ANO6: variants seen among roughly 807,000 people sequenced by gnomAD.
ANO6 encodes anoctamin 6, also known as anoctamin-6.
A neutral mutation model predicts 117.5 loss-of-function variants in ANO6; 106 were observed. The observed-to-expected ratio is 0.90, with a 90% CI of 0.77 to 1.06. The LOEUF is 1.06. ANO6 is among the 50% of genes least tolerant of loss of function. ANO6 has a pLI of 0.00. For synonymous variants in ANO6, 367 were observed against 385.1 expected (o/e 0.95, Z 0.55); for missense variants, 955 against 1,121.1 (o/e 0.85, Z 2.12).
At chr12:45,317,113 G>GTGTGTGTGTGTGTGTATATA in intron 2 of ANO6, among the ~76,000 whole-genome samples, 10 of 66,484 alleles carry the variant, frequency 1.5e-4, no homozygotes, top group African/African-American at 4.1e-4. Flanking sequence ...CTTTTTATAT[G>GTGTGTGTGTGTGTGTATATA]TATATATATA....
chr12:45,378,836 TG>T (rs1424297967), intron 10 of ANO6, among the ~76,000 whole-genome samples: 1 of 152,136 alleles, frequency 6.6e-6, no homozygotes. Context: ...TACACTTCTA[TG>T]TGAGCGGATA....
intron 18 of ANO6, among the ~76,000 whole-genome samples, chr12:45,422,709 G>T (rs962184645): frequency 1.3e-5 from 2 of 151,910 alleles, no homozygotes; most frequent in Non-Finnish European, 2.9e-5. Flanking sequence ...AAATAGCTGC[G>T]ATTACAAGCA....
chr12:45,430,555 A>G lies in ANO6; in HGVS notation c.*1244A>G. The G allele has an allele frequency of 2.0e-6, 2 of 985,456 alleles. No homozygotes were observed. Among genetic ancestry groups the G allele is most frequent in the East Asian group, 1.1e-4 (1 of 8,820 alleles). The allele number at this position is 985,456 out of a possible 1,614,324, so 61.0% of individuals were successfully genotyped here. On this transcript the variant is annotated 3_prime_UTR_variant, in exon 20 of 20. Coordinates refer to ENST00000320560, the MANE Select transcript of ANO6 (RefSeq NM_001025356.3). Reference sequence around the variant, plus strand: ...GTCTGATTGTACTAGAGACAGGAGTATACCCAGCTTATTCATAATCAAGTA... The same window carrying G: ...GTCTGATTGTACTAGAGACAGGAGTGTACCCAGCTTATTCATAATCAAGTA...
At chr12:45,307,751 G>A (rs955536981) in intron 2 of ANO6, among the ~76,000 whole-genome samples, 2 of 152,084 alleles carry the variant, frequency 1.3e-5, no homozygotes, top group African/African-American at 4.8e-5. Context: ...TCACGGAGAT[G>A]AGGAAAAATC....
chr12:45,311,891 C>G (rs1192958628), intron 2 of ANO6, among the ~76,000 whole-genome samples: 1 of 151,986 alleles, frequency 6.6e-6, no homozygotes, highest in East Asian at 1.9e-4. Context: ...GAGTTTTATG[C>G]AGTTCATTGA....
intron 17 of ANO6, among the ~76,000 whole-genome samples, chr12:45,419,107 A>C (rs1340714827): frequency 6.6e-6 from 1 of 152,228 alleles, no homozygotes; most frequent in African/African-American, 2.4e-5. Context: ...TGGTTCAATA[A>C]ATAAGCTGAA....
intron 2 of ANO6, among the ~76,000 whole-genome samples, chr12:45,326,848 G>A (rs1441232375): frequency 6.6e-6 from 1 of 152,144 alleles, no homozygotes; most frequent in Non-Finnish European, 1.5e-5. Flanking sequence ...TTCTGGGTTT[G>A]GATTGCTTGG....
chr12:45,340,031 G>A (rs1940936674), intron 3 of ANO6, among the ~76,000 whole-genome samples: 1 of 152,122 alleles, frequency 6.6e-6, no homozygotes, highest in Non-Finnish European at 1.5e-5. Flanking sequence ...GAAAATGGTA[G>A]ATATTTGTGT....
intron 1 of ANO6, among the ~76,000 whole-genome samples, chr12:45,293,903 C>A (rs1565669856): frequency 6.6e-6 from 1 of 151,890 alleles, no homozygotes; most frequent in African/African-American, 2.4e-5. Context: ...ATTTTAATAG[C>A]CAATAATGCA....
intron 8 of ANO6, among the ~76,000 whole-genome samples, chr12:45,358,685 TATTTA>T (rs1277862540): frequency 1.3e-5 from 2 of 152,204 alleles, no homozygotes; most frequent in African/African-American, 4.8e-5. Flanking sequence ...TGGCTTTAAT[TATTTA>T]ATTATGAGAT....
chr12:45,232,956 G>A (rs919213506), intron 1 of ANO6, among the ~76,000 whole-genome samples: 3 of 152,206 alleles, frequency 2.0e-5, no homozygotes, highest in African/African-American at 7.2e-5. Flanking sequence ...AGAAAGAGAG[G>A]GAGCAGGTAC....
intron 3 of ANO6, among the ~76,000 whole-genome samples, chr12:45,334,210 C>G (rs1565698561): frequency 6.6e-6 from 1 of 152,072 alleles, no homozygotes; most frequent in Non-Finnish European, 1.5e-5. Context: ...GCAACAAACG[C>G]TCGTTTAGTC....
At chr12:45,244,660 C>T (rs1947798047) in intron 1 of ANO6, among the ~76,000 whole-genome samples, 1 of 152,074 alleles carries the variant, frequency 6.6e-6, no homozygotes, top group Admixed American at 6.5e-5. Context: ...CGTAGAAATC[C>T]TAGCTGACAC....
In ANO6 at chr12:45,430,915, T is replaced by C; in HGVS notation, c.*1604T>C. Reference sequence around the variant, plus strand: ...TCATGCTGCATGGGCTTCACTGGGATGCTGTTAAACACCAGAGGAGCCAAC... The same window carrying C: ...TCATGCTGCATGGGCTTCACTGGGACGCTGTTAAACACCAGAGGAGCCAAC... On this transcript the variant is annotated 3_prime_UTR_variant, in exon 20 of 20. Coordinates refer to ENST00000320560, the MANE Select transcript of ANO6 (RefSeq NM_001025356.3). The C allele has an allele frequency of 1.0e-6, 1 of 985,420 alleles. No homozygotes were observed. The highest frequency in any genetic ancestry group is 1.7e-5 in the African/African-American group (1 of 57,344). 61.0% of individuals were successfully genotyped at this position (985,420 alleles called of 1,614,324 possible).
chr12:45,352,572 A>AAAAAAAAAAAC, intron 7 of ANO6, among the ~76,000 whole-genome samples: 1 of 150,784 alleles, frequency 6.6e-6, no homozygotes. Flanking sequence ...AAAAAAAAAA[A>AAAAAAAAAAAC]AAAAAAAAAA....
intron 1 of ANO6, among the ~76,000 whole-genome samples, chr12:45,231,765 A>G (rs1947578089): frequency 1.3e-5 from 2 of 152,206 alleles, no homozygotes; most frequent in African/African-American, 2.4e-5. Flanking sequence ...ATCACAGCCT[A>G]CAAATCATAG....
intron 12 of ANO6, among the ~76,000 whole-genome samples, chr12:45,398,806 T>C (rs929413717): frequency 1.1e-4 from 16 of 152,238 alleles, no homozygotes; most frequent in African/African-American, 3.9e-4. Context: ...ATACAATGCA[T>C]ACATAATCCT....
intron 10 of ANO6, among the ~76,000 whole-genome samples, chr12:45,381,517 C>T (rs768664709): frequency 1.3e-5 from 2 of 152,198 alleles, no homozygotes; most frequent in African/African-American, 2.4e-5. Flanking sequence ...TGTGAGTCAG[C>T]ACTGGCGTGG....
Position 45,399,450 on chromosome 12 carries a change from C to T in ANO6, c.1387-2345C>T, listed in dbSNP as rs959526454. Reference sequence around the variant, plus strand: ...ACCTCATGATCTGCCCGCCGCAGCCCCTCAAAGTGCTGGGATTACAGGCGT... The same window carrying T: ...ACCTCATGATCTGCCCGCCGCAGCCTCTCAAAGTGCTGGGATTACAGGCGT... On this transcript the variant is annotated intron_variant, in intron 12 of 19. Coordinates refer to ENST00000320560, the MANE Select transcript of ANO6 (RefSeq NM_001025356.3). Among the ~76,000 whole-genome samples, 9 of 151,922 alleles carry T rather than the reference C, an allele frequency of 5.9e-5. No homozygotes were observed. The South Asian group carries it at 6.2e-4, about 11-fold the overall frequency.
Sources: allele counts gnomAD v4.1 joint callset (sites outside exome capture counted in the v4.1 genomes callset), GRCh38; gene constraint gnomAD v4.1.1; transcripts MANE v1.5; gene names NCBI Gene and HGNC (gene_info 2026-07-23, HGNC 2026-07-21).